PHF23: variants seen among roughly 807,000 people sequenced by gnomAD.
The protein encoded by PHF23 is PDH-containing protein JUNE-1.
PHF23 carries 3 observed loss-of-function variants against 36.0 expected under a neutral mutation model. The observed-to-expected ratio is 0.08, with a 90% CI of 0.04 to 0.22. The LOEUF is 0.22. Among genes scored for constraint, PHF23 ranks in the 10% least tolerant of loss-of-function variants. The probability of loss-of-function intolerance (pLI) is 1.00; values close to 1 mark genes in which losing one functional copy is unlikely to be tolerated. For synonymous variants in PHF23, 242 were observed against 192.5 expected, an observed-to-expected ratio of 1.26 and a Z score of -2.13; for missense variants, 475 against 513.6, an observed-to-expected ratio of 0.92 and a Z score of 0.73.
chr17:7,237,322 G>C, intron 3 of PHF23, 63 bp downstream of exon 3: 1 of 1,375,490 alleles, frequency 7.3e-7, no homozygotes, highest in Admixed American at 1.8e-5. Context: ...AGTTCTGTTT[G>C]AACAACAGTC....
At chr17:7,238,579 C>G in intron 1 of PHF23, 1 of 1,182,858 alleles carries the variant, frequency 8.5e-7, no homozygotes, top group Non-Finnish European at 1.0e-6. Context: ...CAGCAACTCC[C>G]AGGCTCTTAA....
intron 1 of PHF23, chr17:7,238,023 T>G: frequency 4.4e-6 from 1 of 227,302 alleles, no homozygotes; most frequent in Non-Finnish European, 8.4e-6. Flanking sequence ...CCCCCGTCCT[T>G]CACACGCGCC....
rs765303668 is a variant in PHF23, at chr17:7,236,028, C to T, written c.899G>A (p.Ser300Asn). 3 of 1,614,008 alleles carry T rather than the reference C, an allele frequency of 1.9e-6. No homozygotes were observed. Among genetic ancestry groups the T allele is most frequent in the East Asian group, 2.2e-5 (1 of 44,886 alleles). Reference sequence around the variant, plus strand: ...TGTTTCAGTGCTGCCCACCTCCTTGCTTTCACTGTCAGCAGGAGGGACTCC... The same window carrying T: ...TGTTTCAGTGCTGCCCACCTCCTTGTTTTCACTGTCAGCAGGAGGGACTCC... ...PEGVPPADSESKEVGSTETSQ... is the reference protein window; with the variant it reads ...PEGVPPADSENKEVGSTETSQ... The change falls in exon 4 of 5, where the codon AGC becomes AAC. Residue 300 changes from serine (S) to asparagine (N), a missense_variant. By Grantham distance (46) the Ser-to-Asn change is conservative (BLOSUM62 1). Coordinates refer to ENST00000320316, the MANE Select transcript of PHF23 (RefSeq NM_024297.3). This position sits in a 1 kb window ranked among gnomAD's most constrained non-coding sequence, Gnocchi z 5.1.
At chr17:7,240,600 ACAAT>A (rs1279579917), upstream of PHF23, 2 of 441,508 alleles carry the variant, frequency 4.5e-6, no homozygotes. Flanking sequence ...ACACAGACTG[ACAAT>A]CAAGAAGTCT....
chr17:7,237,251 A>T lies in PHF23; in HGVS notation c.159+134T>A, dbSNP rs998543643. The stretch of plus-strand genomic sequence containing the variant: ...CCAGCTTTCCTACCACAGCCCTAAG[A>T]GTCTCCAACTTCCCTGGTCTTACAT... On this transcript the variant is annotated intron_variant, in intron 3 of 4. Transcript: ENST00000320316. The T allele has an allele frequency of 3.9e-5, 32 of 813,538 alleles. No homozygotes were observed. In the East Asian group the frequency reaches 7.6e-4, roughly 19 times the overall value. The allele number at this position is 813,538 out of a possible 1,614,324, so 50.4% of individuals were successfully genotyped here. A position where few individuals can be genotyped will look rare whatever the true frequency, so the allele number is the denominator to read the frequency against.
At chr17:7,238,972 G>C (rs1183870820) in intron 1 of PHF23, 2 of 1,477,134 alleles carry the variant, frequency 1.4e-6, no homozygotes, top group Non-Finnish European at 1.8e-6. Context: ...CAATCTGCCG[G>C]TGGCCCTTTC....
rs761401195 is a variant in PHF23, at chr17:7,239,312, C to A, written c.-33G>T. ...TCCCCTCCTCCCGGTCCGGCGCCCCCCTCCCCGGAGCCGGGGATCCCGGTG... is the reference window on the plus strand; with the variant it reads ...TCCCCTCCTCCCGGTCCGGCGCCCCACTCCCCGGAGCCGGGGATCCCGGTG... On this transcript the variant is annotated 5_prime_UTR_variant, in exon 1 of 5. Transcript: ENST00000320316. The A allele has an allele frequency of 2.5e-6, 3 of 1,208,676 alleles. No homozygotes were observed. Among genetic ancestry groups the A allele is most frequent in the African/African-American group, 3.0e-5 (2 of 66,890 alleles). 74.9% of individuals were successfully genotyped at this position (1,208,676 alleles called of 1,614,324 possible).
rs1312927668 is a variant in PHF23 at position 7,239,347 on chromosome 17, G to A, written c.-68C>T. The A allele has an allele frequency of 3.8e-6, 3 of 786,498 alleles. No homozygotes were observed. Among genetic ancestry groups the A allele is most frequent in the East Asian group, 5.4e-5 (2 of 36,976 alleles). 48.7% of individuals were successfully genotyped at this position (786,498 alleles called of 1,614,324 possible). On this transcript the variant is annotated 5_prime_UTR_variant, in exon 1 of 5. Coordinates refer to ENST00000320316, the MANE Select transcript of PHF23 (RefSeq NM_024297.3). ...GCCGGGGATCCCGGTGCCGCCTCTAGTGCTCGATGCTCCCACTGCTTCGCT... is the reference window on the plus strand; with the variant it reads ...GCCGGGGATCCCGGTGCCGCCTCTAATGCTCGATGCTCCCACTGCTTCGCT...
Position 7,239,443 on chromosome 17 carries a change from A to T in PHF23, c.-164T>A. ...GCCGCTGCCGCCACCTCCCTCTACC[A>T]CTGCCTCCCGCACTCCCGGACCGGG... is the stretch of plus-strand genomic sequence containing the variant. On this transcript the variant is annotated 5_prime_UTR_variant, in exon 1 of 5. Transcript: ENST00000320316. 5.9e-6 allele frequency: 2 copies of T among 339,532 alleles called. No homozygotes were observed. Among genetic ancestry groups the T allele is most frequent in the African/African-American group, 2.3e-5 (1 of 42,584 alleles). 21.0% of individuals were successfully genotyped at this position (339,532 alleles called of 1,614,324 possible). A position where few individuals can be genotyped will look rare whatever the true frequency, so the allele number is the denominator to read the frequency against.
rs1474876719 is a variant in PHF23, at chr17:7,236,990, G to A, written c.160-223C>T. ...CCCTCAAGTCTGACACCTCACCGCT[G>A]CCCCTGCCCAGGGCCTGTGGAACAC... On this transcript the variant is annotated intron_variant, in intron 3 of 4. Transcript: ENST00000320316. This position sits in a 1 kb window ranked among gnomAD's most constrained non-coding sequence, Gnocchi z 5.1. Among the ~76,000 whole-genome samples the A allele has an allele frequency of 6.6e-6, 1 of 152,090 alleles. No homozygotes were observed. The highest frequency in any genetic ancestry group is 1.5e-5 in the Non-Finnish European group (1 of 68,008).
upstream of PHF23, chr17:7,239,472 C>T (rs2071749223): frequency 1.9e-5 from 9 of 461,850 alleles, no homozygotes; most frequent in South Asian, 2.4e-4. Flanking sequence ...GACCGGGCCC[C>T]CTCCCCCCGC....
In PHF23 at chr17:7,235,268, G is replaced by A. The variant is rs1243437440; in HGVS notation, c.*358C>T. 3.5e-6 allele frequency: 1 copy of A among 283,310 alleles called. No individual in the cohort carries two copies. Among genetic ancestry groups the A allele is most frequent in the Non-Finnish European group, 6.9e-6 (1 of 145,778 alleles). The allele number at this position is 283,310 out of a possible 1,614,324, so 17.5% of individuals were successfully genotyped here. ...AAATGGGGAGTGAAATAGAAGAAAAGATGAGGGAGGGGAGTGCTAATATTT... is the reference window on the plus strand; with the variant it reads ...AAATGGGGAGTGAAATAGAAGAAAAAATGAGGGAGGGGAGTGCTAATATTT... On this transcript the variant is annotated 3_prime_UTR_variant, in exon 5 of 5. Transcript: ENST00000320316.
At chr17:7,237,330 G>A (rs1597564495) in intron 3 of PHF23, 55 bp downstream of exon 3, 3 of 1,413,858 alleles carry the variant, frequency 2.1e-6, no homozygotes, top group African/African-American at 1.4e-5. Flanking sequence ...TTGAACAACA[G>A]TCACTCTATA....
Position 7,235,988 on chromosome 17 carries a change from A to T in PHF23, c.939T>A (p.Asp313Glu). ...VGSTETSQDG[D>E]ASSSEGEMRV... ...GCATCTCGCCTTCACTGGAGCTGGC[A>T]TCTCCATCTTGGCTTGTTTCAGTGC... Residue 313 changes from aspartate (D) to glutamate (E), a missense_variant, in exon 4 of 5, where the codon GAT becomes GAA. Coordinates refer to ENST00000320316, the MANE Select transcript of PHF23 (RefSeq NM_024297.3). The T allele has an allele frequency of 6.2e-7, 1 of 1,613,556 alleles. No homozygotes were observed. The highest frequency in any genetic ancestry group is 8.5e-7 in the Non-Finnish European group (1 of 1,179,646).
chr17:7,235,587 ATGT>A lies in PHF23; in HGVS notation c.*36_*38del, dbSNP rs1427901490. On this transcript the variant is annotated 3_prime_UTR_variant, in exon 5 of 5. Transcript: ENST00000320316. Reference sequence around the variant, plus strand: ...GACCCTGAGGCTCAGTTCCCAAATCATGTTGTCATTTGGAAGTTCCAGGCTAAA... The same window carrying A: ...GACCCTGAGGCTCAGTTCCCAAATCATGTCATTTGGAAGTTCCAGGCTAAA... 2.5e-6 allele frequency: 4 copies of A among 1,600,620 alleles called. No individual in the cohort carries two copies. Among genetic ancestry groups the A allele is most frequent in the Admixed American group, 1.7e-5 (1 of 59,860 alleles).
rs190308016 is a variant in PHF23, at chr17:7,235,369, C to G, written c.*257G>C. ...GACCCAGAAAGTGATGGTGGCAGGTCCAAGAGACAGAGATTATGTGTCGGG... is the reference window on the plus strand; with the variant it reads ...GACCCAGAAAGTGATGGTGGCAGGTGCAAGAGACAGAGATTATGTGTCGGG... On this transcript the variant is annotated 3_prime_UTR_variant, in exon 5 of 5. Coordinates refer to ENST00000320316, the MANE Select transcript of PHF23 (RefSeq NM_024297.3). 5 of 515,256 alleles carry G rather than the reference C, an allele frequency of 9.7e-6. No homozygotes were observed. The East Asian group carries it at 1.8e-4, about 18-fold the overall frequency. The allele number at this position is 515,256 out of a possible 1,614,324, so 31.9% of individuals were successfully genotyped here. A position where few individuals can be genotyped will look rare whatever the true frequency, so the allele number is the denominator to read the frequency against.
At chr17:7,238,449 A>T in intron 1 of PHF23, 2 of 48,740 alleles carry the variant, frequency 4.1e-5, no homozygotes, top group Non-Finnish European at 5.8e-5. Flanking sequence ...CCGCCCCCGT[A>T]CTCACCACCC....
intron 1 of PHF23, chr17:7,238,517 T>G: frequency 1.2e-6 from 1 of 864,618 alleles, no homozygotes; most frequent in Non-Finnish European, 1.3e-6. Context: ...AGCCACTCTC[T>G]CTCTCTCTCC....
At chr17:7,237,046 T>G (rs2071684296) in intron 3 of PHF23, among the ~76,000 whole-genome samples, 1 of 152,196 alleles carries the variant, frequency 6.6e-6, no homozygotes, top group South Asian at 2.1e-4. Flanking sequence ...CGTTATGTCC[T>G]TAGCTCTTTT....
Sources: allele counts gnomAD v4.1 joint callset (sites outside exome capture counted in the v4.1 genomes callset), GRCh38; gene constraint gnomAD v4.1.1; non-coding constraint Gnocchi (gnomAD v3.1); transcripts MANE v1.5; gene names NCBI Gene and HGNC (gene_info 2026-07-23, HGNC 2026-07-21).